The following VPS13C variants were observed in gnomAD, a reference collection of about 807,000 sequenced individuals.
The protein encoded by VPS13C is vacuolar protein sorting 13 homolog C.
A neutral mutation model predicts 456.8 loss-of-function variants in VPS13C; 358 were observed. The ratio of observed to expected loss-of-function variants is 0.78; its 90% confidence interval spans 0.72 to 0.86. VPS13C has a LOEUF of 0.86. Among genes scored for constraint, VPS13C ranks in the 40% least tolerant of loss-of-function variants. The pLI is 0.00. For missense variants in VPS13C, 4,818 were observed against 4,385.4 expected, an observed-to-expected ratio of 1.10 and a Z score of -2.79; for synonymous variants, 1,578 against 1,486.7, an observed-to-expected ratio of 1.06 and a Z score of -1.41.
rs1410575581 is a variant in VPS13C, at chr15:61,962,352, A to C, written c.3603+19T>G. ...AATATTTCAAAGTTGAAAAATCAAT[A>C]TACAAATAATTATTTTACCAGAAGT... On this transcript the variant is annotated intron_variant, in intron 34 of 84. Transcript: ENST00000644861. 6.4e-7 allele frequency: 1 copy of C among 1,564,094 alleles called. No individual in the cohort carries two copies.
At chr15:61,987,190 C>A (rs1190811167) in intron 18 of VPS13C, among the ~76,000 whole-genome samples, 1 of 150,754 alleles carries the variant, frequency 6.6e-6, no homozygotes, top group East Asian at 1.9e-4. Context: ...GTGGAAAAGG[C>A]CTAAAATAGC....
chr15:62,036,327 A>G (rs571596961), intron 3 of VPS13C, among the ~76,000 whole-genome samples: 129 of 152,196 alleles, frequency 8.5e-4, no homozygotes, highest in African/African-American at 2.9e-3. Flanking sequence ...AAAGAACTGA[A>G]AAACAGTATA....
chr15:61,953,259 T>C (rs1223213771), intron 38 of VPS13C, among the ~76,000 whole-genome samples: 1 of 151,928 alleles, frequency 6.6e-6, no homozygotes, highest in East Asian at 1.9e-4. Flanking sequence ...ATTATTATAC[T>C]TTAAGTTTTA....
chr15:62,000,807 A>C (rs915607479), intron 15 of VPS13C, among the ~76,000 whole-genome samples, 181 bp from the exon 16 acceptor site: 1 of 152,206 alleles, frequency 6.6e-6, no homozygotes, highest in Non-Finnish European at 1.5e-5. Context: ...AGTAAGAGAA[A>C]ATAAGTTTTC....
intron 76 of VPS13C, 69 bp from the exon 77 acceptor site, chr15:61,875,020 T>C: frequency 7.4e-7 from 1 of 1,351,402 alleles, no homozygotes; most frequent in Non-Finnish European, 9.7e-7. Flanking sequence ...CTTTAATAGT[T>C]CAGGGTTTGC....
rs182043169 is a variant in VPS13C at position 61,985,618 on chromosome 15, T to C, written c.1579-619A>G. ...TACAAAGCATTTTGTGGCATAAAGATTCAATTCAGCAGCTTTTTCTGAAAC... is the reference window on the plus strand; with the variant it reads ...TACAAAGCATTTTGTGGCATAAAGACTCAATTCAGCAGCTTTTTCTGAAAC... On this transcript the variant is annotated intron_variant, in intron 18 of 84. Coordinates refer to ENST00000644861, the MANE Select transcript of VPS13C (RefSeq NM_020821.3). 9.9e-5 allele frequency among the ~76,000 whole-genome samples: 15 copies of C among 152,282 alleles called. No homozygotes were observed. The East Asian group carries it at 2.7e-3, about 27-fold the overall frequency.
chr15:62,046,989 T>A (rs142550760), intron 1 of VPS13C, among the ~76,000 whole-genome samples: 1 of 152,122 alleles, frequency 6.6e-6, no homozygotes, highest in Non-Finnish European at 1.5e-5. Context: ...GATTTTTTTA[T>A]GTGAAATTAT....
Position 61,854,541 on chromosome 15 carries a change from A to G in VPS13C, c.11178T>C (p.Ile3726=), listed in dbSNP as rs781369993. The change falls in exon 85 of 85, where the codon ATT becomes ATC. Residue 3726 remains isoleucine, a synonymous_variant. Coordinates refer to ENST00000644861, the MANE Select transcript of VPS13C (RefSeq NM_020821.3). ...TATAERACNA[I]EDAQSTRQQQ... ...GCTGTCTCGTTGACTGTGCATCCTC[A>G]ATGGCATTACATGCTCTCTGTAAAG... is the stretch of plus-strand genomic sequence containing the variant. 1 of 1,614,076 alleles carries G rather than the reference A, an allele frequency of 6.2e-7. No individual in the cohort carries two copies. The highest frequency in any genetic ancestry group is 2.2e-5 in the East Asian group (1 of 44,878).
chr15:62,039,717 G>C (rs1042200657), intron 3 of VPS13C, among the ~76,000 whole-genome samples: 30 of 152,108 alleles, frequency 2.0e-4, no homozygotes, highest in African/African-American at 7.0e-4. Flanking sequence ...ACAAATGTTA[G>C]CAAGAATGTG....
intron 66 of VPS13C, among the ~76,000 whole-genome samples, chr15:61,891,004 G>A (rs1459248418): frequency 3.3e-5 from 5 of 152,142 alleles, no homozygotes; most frequent in Non-Finnish European, 7.3e-5. Context: ...CTGAGATAGC[G>A]TCATCGCACT....
intron 38 of VPS13C, among the ~76,000 whole-genome samples, chr15:61,952,625 G>T (rs2044839673): frequency 6.6e-6 from 1 of 152,088 alleles, no homozygotes; most frequent in South Asian, 2.1e-4. Flanking sequence ...ATATTAACCA[G>T]AAAAACATCC....
chr15:61,991,819 A>G lies in VPS13C; in HGVS notation c.1354-17T>C, dbSNP rs1473558895. ...CCGAATCACCTGAAAAATAAAAATT[A>G]AAAAATTTACTTTAAGAATGTTGCC... On this transcript the variant is annotated splice_polypyrimidine_tract_variant and intron_variant, in intron 16 of 84. Transcript: ENST00000644861. The G allele has an allele frequency of 6.2e-7, 1 of 1,606,676 alleles. No homozygotes were observed. The highest frequency in any genetic ancestry group is 1.3e-5 in the African/African-American group (1 of 74,322).
In VPS13C at chr15:61,958,752, C is replaced by A. The variant is rs754170774; in HGVS notation, c.4057-36G>T. Reference sequence around the variant, plus strand: ...TTATGTTAAAAAAAAAACTATATTACGTTTTAAAATGAAACAATTTTAATA... The same window carrying A: ...TTATGTTAAAAAAAAAACTATATTAAGTTTTAAAATGAAACAATTTTAATA... On this transcript the variant is annotated intron_variant, in intron 36 of 84. Coordinates refer to ENST00000644861, the MANE Select transcript of VPS13C (RefSeq NM_020821.3). 1.1e-5 allele frequency: 13 copies of A among 1,155,776 alleles called. No individual in the cohort carries two copies. The South Asian group carries it at 1.5e-4, about 13-fold the overall frequency. 71.6% of individuals were successfully genotyped at this position (1,155,776 alleles called of 1,614,324 possible).
At chr15:61,870,387 G>A (rs1383479479) in intron 79 of VPS13C, among the ~76,000 whole-genome samples, 1 of 152,102 alleles carries the variant, frequency 6.6e-6, no homozygotes, top group East Asian at 1.9e-4. Context: ...GTAATATGTG[G>A]TGTACTGTGA....
Position 61,869,390 on chromosome 15 carries a change from A to G in VPS13C, c.10748+110T>C, listed in dbSNP as rs1029561797. ...TGTTTTAAAGCTACCACAGCTTTCA[A>G]TTAGACTTTAAGATCCTTAGGAGCA... is the stretch of plus-strand genomic sequence containing the variant. On this transcript the variant is annotated intron_variant, in intron 80 of 84. Transcript: ENST00000644861. 4.0e-6 allele frequency: 5 copies of G among 1,246,554 alleles called. No individual in the cohort carries two copies. In the Admixed American group the frequency reaches 7.6e-5, roughly 19 times the overall value. 77.2% of individuals were successfully genotyped at this position (1,246,554 alleles called of 1,614,324 possible).
intron 75 of VPS13C, among the ~76,000 whole-genome samples, chr15:61,876,547 T>C (rs543033036): frequency 1.1e-4 from 17 of 152,124 alleles, no homozygotes; most frequent in African/African-American, 4.1e-4. Context: ...TTCCATGGTA[T>C]AGCAATTGTA....
intron 1 of VPS13C, among the ~76,000 whole-genome samples, chr15:62,059,404 T>G (rs1465487160): frequency 6.6e-6 from 1 of 152,226 alleles, no homozygotes; most frequent in Non-Finnish European, 1.5e-5. Context: ...CCAAACCTTT[T>G]GTGGAGTGAG....
intron 67 of VPS13C, 130 bp from the exon 68 acceptor site, chr15:61,884,399 TAACG>T (rs1896112519): frequency 3.3e-6 from 3 of 922,096 alleles, no homozygotes; most frequent in Middle Eastern, 5.6e-4. Context: ...CTTCTTAAAA[TAACG>T]AACTATACCT....
chr15:62,011,686 G>T (rs1336789130), intron 12 of VPS13C, among the ~76,000 whole-genome samples: 2 of 151,884 alleles, frequency 1.3e-5, no homozygotes, highest in Non-Finnish European at 2.9e-5. Context: ...AAATAGAAAA[G>T]CTCACTAAAA....
Sources: gnomAD v4.1 joint callset for allele counts (sites outside exome capture counted in the v4.1 genomes callset) on GRCh38, gnomAD v4.1.1 for gene constraint, MANE v1.5 for transcripts, NCBI Gene and HGNC (gene_info 2026-07-23, HGNC 2026-07-21) for gene names.